The following ADGRE1 variants were observed in gnomAD, a reference collection of about 807,000 sequenced individuals.
The protein encoded by ADGRE1 is adhesion G protein-coupled receptor E1, also known as EGF-like module receptor 1.
A neutral mutation model predicts 102.7 loss-of-function variants in ADGRE1; 82 were observed. The ratio of observed to expected loss-of-function variants is 0.80; its 90% CI spans 0.67 to 0.96. The LOEUF (loss-of-function observed/expected upper bound fraction) is 0.96, where lower values mean the gene tolerates loss of function less well. Among genes scored for constraint, ADGRE1 ranks in the 40% least tolerant of loss-of-function variants. The pLI, the probability that ADGRE1 is intolerant of heterozygous loss-of-function variation, is 0.00. For missense variants in ADGRE1, 1,032 were observed against 1,085.3 expected, an observed-to-expected ratio of 0.95 and a Z score of 0.69; for synonymous variants, 398 against 399.6, an observed-to-expected ratio of 1.00 and a Z score of 0.05.
chr19:6,926,385 C>G lies in ADGRE1; in HGVS notation c.2006C>G (p.Ala669Gly). Residue 669 changes from alanine to glycine, a missense_variant, in exon 16 of 21, where the codon GCG (alanine) becomes GGG (glycine). Physicochemically the swap from Ala to Gly is moderately conservative, Grantham distance 60. Transcript: ENST00000312053. ...CTCCAGATGGGCTGCGCCATCATCG[C>G]GGGCTTCCTGCACTACCTTTTCCTT... ...TDNKMGCAII[A>G]GFLHYLFLAC... The G allele has an allele frequency of 6.2e-7, 1 of 1,614,108 alleles. No individual in the cohort carries two copies. Among genetic ancestry groups the G allele is most frequent in the South Asian group, 1.1e-5 (1 of 91,072 alleles).
intron 2 of ADGRE1, among the ~76,000 whole-genome samples, chr19:6,893,426 C>A (rs1045712038): frequency 6.6e-6 from 1 of 152,120 alleles, no homozygotes; most frequent in African/African-American, 2.4e-5. Flanking sequence ...GTCTCGAACT[C>A]CCGATCTCAG....
At chr19:6,894,830 T>C (rs906256853) in intron 2 of ADGRE1, among the ~76,000 whole-genome samples, 3 of 152,020 alleles carry the variant, frequency 2.0e-5, no homozygotes, top group Non-Finnish European at 4.4e-5. Context: ...GTTAAATGGG[T>C]AATTGTCAAA....
chr19:6,911,081 T>A (rs1410505078), intron 10 of ADGRE1, among the ~76,000 whole-genome samples: 1 of 152,162 alleles, frequency 6.6e-6, no homozygotes, highest in Non-Finnish European at 1.5e-5. Flanking sequence ...AACTGAGTAC[T>A]ATGTTTCCTG....
intron 8 of ADGRE1, among the ~76,000 whole-genome samples, chr19:6,905,578 C>T (rs545460184): frequency 6.6e-5 from 10 of 151,888 alleles, no homozygotes; most frequent in Admixed American, 1.3e-4. Context: ...TTCTTGAACT[C>T]GTGATCTTGT....
chr19:6,901,223 A>G (rs540884250), intron 5 of ADGRE1, among the ~76,000 whole-genome samples: 1 of 152,342 alleles, frequency 6.6e-6, no homozygotes, highest in African/African-American at 2.4e-5. Flanking sequence ...CTGGGAATGC[A>G]GTCCTCAGCT....
intron 19 of ADGRE1, 58 bp downstream of exon 19, chr19:6,937,469 C>T: frequency 6.3e-7 from 1 of 1,593,662 alleles, no homozygotes; most frequent in South Asian, 1.1e-5. Context: ...CCCCCTTCCC[C>T]ACCGCATCCC....
intron 17 of ADGRE1, among the ~76,000 whole-genome samples, chr19:6,932,951 T>C (rs1975225555): frequency 6.6e-6 from 1 of 152,220 alleles, no homozygotes; most frequent in Admixed American, 6.5e-5. Context: ...CCAGACATGG[T>C]GGCTCATGCC....
chr19:6,910,680 T>G (rs1214313149), intron 10 of ADGRE1, among the ~76,000 whole-genome samples: 4 of 151,040 alleles, frequency 2.6e-5, no homozygotes, highest in Admixed American at 1.3e-4. Flanking sequence ...CATGCCATTC[T>G]CCTGCCTCAG....
At chr19:6,892,190 A>G (rs1973403381) in intron 2 of ADGRE1, among the ~76,000 whole-genome samples, 1 of 152,158 alleles carries the variant, frequency 6.6e-6, no homozygotes, top group Non-Finnish European at 1.5e-5. Flanking sequence ...ATGAGAAGAG[A>G]GATACCATCT....
chr19:6,912,247 CAT>C (rs1334821921), intron 10 of ADGRE1, among the ~76,000 whole-genome samples: 5 of 152,114 alleles, frequency 3.3e-5, no homozygotes, highest in African/African-American at 4.8e-5. Flanking sequence ...CACACACACA[CAT>C]GCACACACAG....
intron 5 of ADGRE1, chr19:6,898,203 T>A: frequency 1.0e-6 from 1 of 965,970 alleles, no homozygotes; most frequent in South Asian, 1.8e-5. Flanking sequence ...AGTACCAAAG[T>A]GAAGCGCATA....
intron 2 of ADGRE1, among the ~76,000 whole-genome samples, chr19:6,893,868 T>C (rs1338953468): frequency 6.6e-6 from 1 of 152,242 alleles, no homozygotes; most frequent in African/African-American, 2.4e-5. Context: ...ATGGCAGGGC[T>C]GCGTTCCTTC....
Position 6,934,976 on chromosome 19 carries a change from T to TA in ADGRE1, c.2290-11_2290-10insA. 6.4e-7 allele frequency: 1 copy of TA among 1,566,886 alleles called. No homozygotes were observed. The highest frequency in any genetic ancestry group is 8.7e-7 in the Non-Finnish European group (1 of 1,154,936). On this transcript the variant is annotated splice_polypyrimidine_tract_variant and intron_variant, in intron 17 of 20. Coordinates refer to ENST00000312053, the MANE Select transcript of ADGRE1 (RefSeq NM_001974.5). ...TATCCAGTCTCTCCATCCTTCTGCT[T>TA]GACTTTGCAGATCAACTCCCTTCTC...
chr19:6,902,300 G>T (rs763061142), intron 6 of ADGRE1, among the ~76,000 whole-genome samples: 22 of 152,130 alleles, frequency 1.4e-4, no homozygotes, highest in Non-Finnish European at 2.6e-4. Context: ...GCACCATTCA[G>T]TCCATAGCAC....
chr19:6,923,111 G>A (rs1974739737), intron 14 of ADGRE1, among the ~76,000 whole-genome samples: 1 of 152,098 alleles, frequency 6.6e-6, no homozygotes, highest in African/African-American at 2.4e-5. Context: ...TATCATGGTA[G>A]ATCCAAGGTT....
intron 20 of ADGRE1, among the ~76,000 whole-genome samples, chr19:6,939,150 T>G (rs1406536275): frequency 6.6e-6 from 1 of 152,156 alleles, no homozygotes; most frequent in African/African-American, 2.4e-5. Context: ...TCCAGTGATT[T>G]CAGAATGAGC....
intron 13 of ADGRE1, among the ~76,000 whole-genome samples, chr19:6,920,489 G>A (rs1399352984): frequency 1.4e-5 from 2 of 142,704 alleles, no homozygotes; most frequent in East Asian, 4.4e-4. Context: ...AAAGTGCTGG[G>A]ATTACAGGCA....
intron 12 of ADGRE1, among the ~76,000 whole-genome samples, chr19:6,916,747 TA>T (rs1316074905): frequency 7.9e-5 from 12 of 151,294 alleles, no homozygotes; most frequent in African/African-American, 2.7e-4. Flanking sequence ...AATTTAAAAA[TA>T]AAAAATATTT....
intron 20 of ADGRE1, 41 bp from the exon 21 acceptor site, chr19:6,939,983 T>C (rs1201693209): frequency 6.2e-7 from 1 of 1,612,462 alleles, no homozygotes; most frequent in East Asian, 2.2e-5. Flanking sequence ...TTTGTATTAA[T>C]TCTGCTGCAG....
Sources: gnomAD v4.1 joint callset for allele counts (sites outside exome capture counted in the v4.1 genomes callset) on GRCh38, gnomAD v4.1.1 for gene constraint, MANE v1.5 for transcripts, NCBI Gene and HGNC (gene_info 2026-07-23, HGNC 2026-07-21) for gene names.